The following CDH18 variants were observed in gnomAD, a reference collection of about 807,000 sequenced individuals.
CDH18 encodes cadherin 18, also known as cadherin-18.
In CDH18, 31 loss-of-function variants were observed where a neutral mutation model predicts 67.9. That is an observed-to-expected ratio of 0.46 (90% CI 0.34 to 0.62). CDH18 has a LOEUF of 0.62. CDH18 is among the 20% of genes least tolerant of loss of function. The pLI is 0.01. For synonymous variants in CDH18, 362 were observed against 347.2 expected (o/e 1.04, Z -0.48); for missense variants, 890 against 975.5 (o/e 0.91, Z 1.17).
intron 7 of CDH18, among the ~76,000 whole-genome samples, chr5:19,580,038 A>T (rs574583185): frequency 6.6e-6 from 1 of 152,024 alleles, no homozygotes; most frequent in South Asian, 2.1e-4. Flanking sequence ...ATTTTTAATG[A>T]CACAATAATT....
chr5:20,354,613 G>A (rs768697556), intron 1 of CDH18, among the ~76,000 whole-genome samples: 9 of 151,970 alleles, frequency 5.9e-5, no homozygotes, highest in Non-Finnish European at 1.0e-4. Flanking sequence ...GGCTAGTCTC[G>A]AACCCCTGAG....
At chr5:20,102,170 T>C (rs960133275) in intron 2 of CDH18, among the ~76,000 whole-genome samples, 2 of 151,902 alleles carry the variant, frequency 1.3e-5, no homozygotes, top group Non-Finnish European at 2.9e-5. Context: ...AAATTAAACA[T>C]AAAGTAAACA....
At chr5:19,868,890 G>A in intron 2 of CDH18, among the ~76,000 whole-genome samples, 1 of 152,132 alleles carries the variant, frequency 6.6e-6, no homozygotes, top group Admixed American at 6.6e-5. Context: ...GAGGAGCAAG[G>A]ATGGGCTAAG....
chr5:19,668,486 T>C (rs1033639816), intron 5 of CDH18, among the ~76,000 whole-genome samples: 1 of 152,048 alleles, frequency 6.6e-6, no homozygotes, highest in African/African-American at 2.4e-5. Context: ...AAAATGTAAA[T>C]GCTATGCATT....
rs184389479 is a variant in CDH18 at position 19,537,403 on chromosome 5, A to C, written c.1390+6466T>G. Among the ~76,000 whole-genome samples the C allele has an allele frequency of 5.2e-4, 79 of 151,784 alleles. 3 individuals carry two copies. The highest frequency in any genetic ancestry group is 4.1e-3 in the Admixed American group (63 of 15,234). ...TCTCTCTCTCTTTCTCTATTTATCAATCTATTTCCAGATCTCAATATATGT... is the reference window on the plus strand; with the variant it reads ...TCTCTCTCTCTTTCTCTATTTATCACTCTATTTCCAGATCTCAATATATGT... On this transcript the variant is annotated intron_variant, in intron 9 of 12. Transcript: ENST00000382275.
chr5:19,591,762 G>A (rs1745178417), intron 6 of CDH18, among the ~76,000 whole-genome samples: 2 of 152,026 alleles, frequency 1.3e-5, no homozygotes, highest in South Asian at 2.1e-4. Context: ...GTCCGAGAAC[G>A]TGAATGTAGT....
In CDH18 at chr5:19,753,508, C is replaced by T. The variant is rs183354092; in HGVS notation, c.229-6272G>A. Among the ~76,000 whole-genome samples, 129 of 152,270 alleles carry T rather than the reference C, an allele frequency of 8.5e-4. 1 individual carries two copies. Among genetic ancestry groups the T allele is most frequent in the African/African-American group, 2.6e-3 (106 of 41,554 alleles). On this transcript the variant is annotated intron_variant, in intron 3 of 12. Transcript: ENST00000382275. ...GAATAAGAAAATATGAACAAAGCCT[C>T]AGAGTAGTCTGGGATTATATTAAAT... is the stretch of plus-strand genomic sequence containing the variant.
intron 2 of CDH18, among the ~76,000 whole-genome samples, chr5:20,049,612 A>C (rs1229490776): frequency 6.6e-6 from 1 of 151,866 alleles, no homozygotes; most frequent in Non-Finnish European, 1.5e-5. Context: ...AAAATAATGC[A>C]TTCCATGTTG....
intron 11 of CDH18, among the ~76,000 whole-genome samples, chr5:19,493,920 T>C (rs995269834): frequency 5.3e-5 from 8 of 152,114 alleles, no homozygotes; most frequent in African/African-American, 1.7e-4. Flanking sequence ...AGTTGTTGTT[T>C]TCTGTAACAT....
At chr5:19,945,216 A>C (rs929979690) in intron 2 of CDH18, among the ~76,000 whole-genome samples, 20 of 152,010 alleles carry the variant, frequency 1.3e-4, no homozygotes, top group African/African-American at 3.4e-4. Flanking sequence ...GCTCCCTTCC[A>C]CCTCCAGGAG....
chr5:20,107,195 C>T (rs1299080089), intron 2 of CDH18, among the ~76,000 whole-genome samples: 2 of 152,088 alleles, frequency 1.3e-5, no homozygotes, highest in East Asian at 1.9e-4. Flanking sequence ...ATTCTCCTGC[C>T]TCAGCCTCCC....
rs4002087 is a variant in CDH18, at chr5:20,396,408, C to CAAA, written c.-579-140906_-579-140904dup. Reference sequence around the variant, plus strand: ...TGTTGTTTCACTTTTGTTTATAAAGCAAAAAAAAAAATCACTTTCCACATA... The same window carrying CAAA: ...TGTTGTTTCACTTTTGTTTATAAAGCAAAAAAAAAAAAAATCACTTTCCACATA... On this transcript the variant is annotated intron_variant, in intron 1 of 14. Coordinates refer to the CDH18 transcript ENST00000507958. Among the ~76,000 whole-genome samples the CAAA allele has an allele frequency of 3.4e-3, 502 of 148,780 alleles. 2 individuals are homozygous for CAAA. Among genetic ancestry groups the CAAA allele is most frequent in the African/African-American group, 8.9e-3 (360 of 40,644 alleles).
chr5:19,574,572 G>T (rs1741995575), intron 7 of CDH18, among the ~76,000 whole-genome samples: 1 of 151,940 alleles, frequency 6.6e-6, no homozygotes, highest in Non-Finnish European at 1.5e-5. Context: ...ATATATAATA[G>T]AAATTATTGT....
upstream of CDH18, among the ~76,000 whole-genome samples, chr5:19,991,699 T>G (rs2150385784): frequency 6.6e-6 from 1 of 152,200 alleles, no homozygotes; most frequent in South Asian, 2.1e-4. Context: ...GTCATCTCTC[T>G]TCAGTTTAAG....
chr5:20,254,213 A>T (rs1744064159), intron 2 of CDH18, among the ~76,000 whole-genome samples: 1 of 152,140 alleles, frequency 6.6e-6, no homozygotes, highest in Non-Finnish European at 1.5e-5. Context: ...CTCAGGTTCA[A>T]GTGATTCTTC....
At chr5:20,053,660 T>C (rs1307149962) in intron 2 of CDH18, among the ~76,000 whole-genome samples, 3 of 152,110 alleles carry the variant, frequency 2.0e-5, no homozygotes, top group Admixed American at 2.0e-4. Context: ...AAGGTACAGA[T>C]GTAGTTGAAA....
intron 1 of CDH18, among the ~76,000 whole-genome samples, chr5:20,275,529 T>G (rs1437822775): frequency 6.6e-6 from 1 of 152,202 alleles, no homozygotes; most frequent in Non-Finnish European, 1.5e-5. Context: ...ATACGCCACT[T>G]AACAGTTGTA....
intron 7 of CDH18, among the ~76,000 whole-genome samples, chr5:19,572,973 CAAAAT>C (rs1467286506): frequency 6.6e-6 from 1 of 151,988 alleles, no homozygotes. Context: ...ACACAAAAGG[CAAAAT>C]ATCATTTCAT....
intron 10 of CDH18, among the ~76,000 whole-genome samples, chr5:19,507,016 G>A (rs1744299624): frequency 1.3e-5 from 2 of 152,130 alleles, no homozygotes; most frequent in Non-Finnish European, 2.9e-5. Context: ...CTGTCAAAGG[G>A]CTAATATCCA....
Sources: gnomAD v4.1 joint callset for allele counts (sites outside exome capture counted in the v4.1 genomes callset) on GRCh38, gnomAD v4.1.1 for gene constraint, MANE v1.5 for transcripts, NCBI Gene and HGNC (gene_info 2026-07-23, HGNC 2026-07-21) for gene names.